RWDD2B: variants seen among roughly 807,000 people sequenced by gnomAD.
RWDD2B encodes RWD domain-containing protein 2B.
In RWDD2B, 36 loss-of-function variants were observed where a neutral mutation model predicts 33.6. That is an observed-to-expected ratio of 1.07 (90% CI 0.82 to 1.42). The LOEUF (loss-of-function observed/expected upper bound fraction) is 1.42. Among genes scored for constraint, RWDD2B ranks in the 40% most tolerant of loss-of-function variants. The pLI is 0.00. For synonymous variants in RWDD2B, 126 were observed against 133.1 expected (o/e 0.95, Z 0.37); for missense variants, 364 against 377.5 (o/e 0.96, Z 0.30).
chr21:29,019,346 ACCG>A lies in RWDD2B; in HGVS notation c.-72_-70del. The A allele has an allele frequency of 9.5e-7, 1 of 1,055,814 alleles. No individual in the cohort carries two copies. The highest frequency in any genetic ancestry group is 1.3e-6 in the Non-Finnish European group (1 of 774,056). 65.4% of individuals were successfully genotyped at this position (1,055,814 alleles called of 1,614,324 possible). ...TACAAACCGCCTCAGCTGGCGACCT[ACCG>A]GAAAAAAAAAAAAAAAGCATGCGGC... On this transcript the variant is annotated 5_prime_UTR_variant, in exon 1 of 5. Coordinates refer to ENST00000493196, the MANE Select transcript of RWDD2B (RefSeq NM_016940.3).
At chr21:29,010,878 CG>C (rs1232196592) in intron 1 of RWDD2B, among the ~76,000 whole-genome samples, 3 of 152,156 alleles carry the variant, frequency 2.0e-5, no homozygotes, top group Non-Finnish European at 4.4e-5. Context: ...CTGTGTTGGC[CG>C]GGCTGGTCTC....
chr21:29,012,006 C>T (rs1459159134), intron 1 of RWDD2B, among the ~76,000 whole-genome samples: 22 of 137,782 alleles, frequency 1.6e-4, no homozygotes, highest in African/African-American at 2.5e-4. Context: ...GTCAGCCCCC[C>T]GCCCGGCCAG....
rs1444674860 is a variant in RWDD2B, at chr21:29,012,184, C to G, written c.68-3563G>C. On this transcript the variant is annotated intron_variant, in intron 1 of 4. Coordinates refer to ENST00000493196, the MANE Select transcript of RWDD2B (RefSeq NM_016940.3). ...GGGAGGTGGGGGTGGTCAGCCCCCC[C>G]CCGGGAGGTGAGGGGCGCCTCTGCC... is the stretch of plus-strand genomic sequence containing the variant. Among the ~76,000 whole-genome samples the G allele has an allele frequency of 9.0e-5, 12 of 133,018 alleles. 2 individuals carry two copies. The East Asian group carries it at 2.6e-3, about 29-fold the overall frequency. 87.3% of individuals were successfully genotyped at this position (133,018 alleles called of 152,430 possible).
At chr21:29,018,594 C>A (rs1463987955) in intron 1 of RWDD2B, among the ~76,000 whole-genome samples, 1 of 152,178 alleles carries the variant, frequency 6.6e-6, no homozygotes, top group Non-Finnish European at 1.5e-5. Context: ...AGTGATGTCA[C>A]AGGTCATTTA....
Position 29,005,136 on chromosome 21 carries a change from T to C in RWDD2B, c.*1281A>G, listed in dbSNP as rs1367559950. 1.3e-5 allele frequency: 2 copies of C among 152,170 alleles called. No individual in the cohort carries two copies. Among genetic ancestry groups the C allele is most frequent in the African/African-American group, 4.8e-5 (2 of 41,438 alleles). 9.4% of individuals were successfully genotyped at this position (152,170 alleles called of 1,614,324 possible). The stretch of plus-strand genomic sequence containing the variant: ...TAATGCTAGGTCAATTTGGCAAAAA[T>C]AAATGTACAGAAAGCCATTTCCAGA... On this transcript the variant is annotated 3_prime_UTR_variant, in exon 5 of 5. Coordinates refer to ENST00000493196, the MANE Select transcript of RWDD2B (RefSeq NM_016940.3).
At chr21:29,007,710 T>C in intron 4 of RWDD2B, 51 bp downstream of exon 4, 1 of 1,559,972 alleles carries the variant, frequency 6.4e-7, no homozygotes, top group Non-Finnish European at 8.6e-7. Flanking sequence ...CTGTATCTTG[T>C]TTAGTATTAA....
intron 1 of RWDD2B, among the ~76,000 whole-genome samples, chr21:29,017,471 G>A (rs768453604): frequency 1.3e-5 from 2 of 151,940 alleles, no homozygotes; most frequent in African/African-American, 4.8e-5. Context: ...AATTAGCCAG[G>A]TGTGGTCGCC....
In RWDD2B at chr21:29,006,502, A is replaced by G. The variant is rs1333170979; in HGVS notation, c.875T>C (p.Met292Thr). The change falls in exon 5 of 5, where the codon ATG becomes ACG. Residue 292 changes from methionine to threonine, a missense_variant. Met to Thr is a moderately conservative substitution (Grantham distance 81, BLOSUM62 -1). Coordinates refer to ENST00000493196, the MANE Select transcript of RWDD2B (RefSeq NM_016940.3). ...GAACTGATAGAGCTGACCAAAGTCC[A>G]TGTGGTTTCCCCTGGCTCCATTAAC... Reference protein sequence around the residue: ...FSVNGARGNHMDFGQLYQFLN... With the variant: ...FSVNGARGNHTDFGQLYQFLN... 6.2e-7 allele frequency: 1 copy of G among 1,614,130 alleles called. No individual in the cohort carries two copies. Among genetic ancestry groups the G allele is most frequent in the South Asian group, 1.1e-5 (1 of 91,082 alleles).
At chr21:29,009,114 G>T (rs1342942579) in intron 1 of RWDD2B, among the ~76,000 whole-genome samples, 2 of 152,102 alleles carry the variant, frequency 1.3e-5, no homozygotes, top group Middle Eastern at 3.2e-3. Flanking sequence ...TTGAGACAGG[G>T]TCTAGCTCTG....
rs2084819046 is a variant in RWDD2B at position 29,004,440 on chromosome 21, G to A, written c.*1977C>T. 6.6e-6 allele frequency: 1 copy of A among 152,158 alleles called. No individual in the cohort carries two copies. 9.4% of individuals were successfully genotyped at this position (152,158 alleles called of 1,614,324 possible). Reference sequence around the variant, plus strand: ...ATCTGCATATTATACATAGCAATCTGGTTTTTAATATAATGTAGAGAGACT... The same window carrying A: ...ATCTGCATATTATACATAGCAATCTAGTTTTTAATATAATGTAGAGAGACT... On this transcript the variant is annotated 3_prime_UTR_variant, in exon 5 of 5. Coordinates refer to ENST00000493196, the MANE Select transcript of RWDD2B (RefSeq NM_016940.3).
At chr21:29,009,485 G>A (rs1250843035) in intron 1 of RWDD2B, 4 of 150,088 alleles carry the variant, frequency 2.7e-5, no homozygotes, top group East Asian at 2.0e-4. Flanking sequence ...GCTCCACCTC[G>A]GCGCGTTCAC....
chr21:29,008,480 C>T lies in RWDD2B; in HGVS notation c.209G>A (p.Cys70Tyr). ...CCCCTCCATTGTCTTCTTTTCAATA[C>T]AATCTTTCAGTTCTGCTACAGCCAG... ...DQLAVAELKD[C>Y]IEKKTMEGRS... Residue 70 changes from cysteine (C) to tyrosine (Y), a missense_variant, in exon 2 of 5, where the codon TGT becomes TAT. By Grantham distance (194) the Cys-to-Tyr change is radical. Coordinates refer to ENST00000493196, the MANE Select transcript of RWDD2B (RefSeq NM_016940.3). 1 of 1,614,168 alleles carries T rather than the reference C, an allele frequency of 6.2e-7. No individual in the cohort carries two copies. The highest frequency in any genetic ancestry group is 8.5e-7 in the Non-Finnish European group (1 of 1,180,026).
intron 1 of RWDD2B, among the ~76,000 whole-genome samples, chr21:29,016,807 C>A (rs2084892480): frequency 6.6e-6 from 1 of 152,110 alleles, no homozygotes; most frequent in South Asian, 2.1e-4. Context: ...AACTGCAGGA[C>A]CTTAGGCAAG....
At chr21:29,011,402 G>A (rs898711931) in intron 1 of RWDD2B, among the ~76,000 whole-genome samples, 10 of 148,260 alleles carry the variant, frequency 6.7e-5, no homozygotes, top group South Asian at 2.1e-4. Flanking sequence ...CAACCACCCC[G>A]TCTGAGAAGT....
Position 29,006,359 on chromosome 21 carries a change from G to A in RWDD2B, c.*58C>T, listed in dbSNP as rs2084828327. On this transcript the variant is annotated 3_prime_UTR_variant, in exon 5 of 5. Transcript: ENST00000493196. ...AAATTACTTAATCTTTCAAGAAAAA[G>A]TGGGAAAAAAAAATCAAAAGGCCAA... 2 of 1,124,768 alleles carry A rather than the reference G, an allele frequency of 1.8e-6. No individual in the cohort carries two copies. Among genetic ancestry groups the A allele is most frequent in the Admixed American group, 4.9e-5 (2 of 40,954 alleles). The allele number at this position is 1,124,768 out of a possible 1,614,324, so 69.7% of individuals were successfully genotyped here.
chr21:29,016,934 G>A (rs1298073321), intron 1 of RWDD2B, among the ~76,000 whole-genome samples: 11 of 151,842 alleles, frequency 7.2e-5, no homozygotes, highest in African/African-American at 2.4e-4. Context: ...TTTTATATGC[G>A]TGCTTGCTAC....
Position 29,008,121 on chromosome 21 carries a change from G to A in RWDD2B, c.365C>T (p.Ser122Leu). The change falls in exon 4 of 5, where the codon TCA becomes TTA. Residue 122 changes from serine to leucine, a missense_variant and splice_region_variant. Coordinates refer to ENST00000493196, the MANE Select transcript of RWDD2B (RefSeq NM_016940.3). ...CTGCTGGGATCTACTCAATAATACT[G>A]ATCTAATAGAAAAGATACAAGAAAA... ...PAVLPEITVR[S>L]VLLSRSQQTQ... is the part of the protein sequence containing the mutation. 6.2e-7 allele frequency: 1 copy of A among 1,611,310 alleles called. No homozygotes were observed. Among genetic ancestry groups the A allele is most frequent in the African/African-American group, 1.3e-5 (1 of 74,850 alleles).
Position 29,007,860 on chromosome 21 carries a change from C to T in RWDD2B, c.626G>A (p.Trp209Ter). ...CCCAGACAGGGAAAGCTCCTTTGCC[C>T]ACTCTAGAATATTCTTTCTTTTGCA... The part of the protein sequence containing the change: ...NKCKRKNILE[W>*]AKELSLSGFS... The change falls in exon 4 of 5, where the codon TGG becomes TAG. Residue 209 changes from tryptophan to a stop codon, truncating the protein, a stop_gained. Transcript: ENST00000493196. LOFTEE classifies it high-confidence loss of function. The T allele has an allele frequency of 6.2e-7, 1 of 1,614,244 alleles. No homozygotes were observed. The highest frequency in any genetic ancestry group is 8.5e-7 in the Non-Finnish European group (1 of 1,180,040).
rs749121937 is a variant in RWDD2B, at chr21:29,007,964, G to C, written c.522C>G (p.Pro174=). 3 of 1,614,086 alleles carry C rather than the reference G, an allele frequency of 1.9e-6. No homozygotes were observed. Among genetic ancestry groups the C allele is most frequent in the East Asian group, 4.5e-5 (2 of 44,896 alleles). The change falls in exon 4 of 5, where the codon CCC becomes CCG. Residue 174 remains proline, a synonymous_variant. Coordinates refer to ENST00000493196, the MANE Select transcript of RWDD2B (RefSeq NM_016940.3). ...GYVSRDTSSS[P]TTGSTVQSVD... ...CTGACTGGACTGTGCTTCCTGTGGT[G>C]GGTGAAGATGAAGTATCTCTGCTGA...
Sources: allele counts gnomAD v4.1 joint callset (sites outside exome capture counted in the v4.1 genomes callset), GRCh38; gene constraint gnomAD v4.1.1; transcripts MANE v1.5; gene names NCBI Gene and HGNC (gene_info 2026-07-23, HGNC 2026-07-21).